Variants in HP observed in about 807,000 individuals in gnomAD.
HP encodes haptoglobin.
A neutral mutation model predicts 23.2 loss-of-function variants in HP; 9 were observed. The ratio of observed to expected loss-of-function variants is 0.39; its 90% CI spans 0.23 to 0.68. HP has a LOEUF of 0.68. Ranked by LOEUF, HP falls within the 30% of genes least tolerant of loss-of-function variation. HP has a pLI of 0.47. For synonymous variants in HP, 155 were observed against 183.3 expected (o/e 0.85, Z 1.25); for missense variants, 433 against 483.6 (o/e 0.90, Z 0.98).
chr16:72,057,970 T>C (rs546714118), intron 4 of HP: 1 of 418,674 alleles, frequency 2.4e-6, no homozygotes, highest in South Asian at 2.2e-5. Context: ...CTGCCTCGTA[T>C]TAACTGCACC....
rs1021150214 is a variant in HP at position 72,056,570 on chromosome 16, T to C, written c.129T>C (p.Tyr43=). ...AGCCCCCCGAGATTGCACATGGCTATGTGGAGCACTCGGTTCGCTACCAGT... is the reference window on the plus strand; with the variant it reads ...AGCCCCCCGAGATTGCACATGGCTACGTGGAGCACTCGGTTCGCTACCAGT... ...CPKPPEIAHG[Y]VEHSVRYQCK... The change falls in exon 3 of 7, where the codon TAT becomes TAC. Residue 43 remains tyrosine (Y), a synonymous_variant. Coordinates refer to ENST00000355906, the MANE Select transcript of HP (RefSeq NM_005143.5). 8.9e-6 allele frequency: 13 copies of C among 1,460,016 alleles called. No homozygotes were observed. Among genetic ancestry groups the C allele is most frequent in the African/African-American group, 1.5e-5 (1 of 64,760 alleles). The allele number at this position is 1,460,016 out of a possible 1,614,324, so 90.4% of individuals were successfully genotyped here.
At chr16:72,057,909 C>G in intron 4 of HP, 1 of 330,384 alleles carries the variant, frequency 3.0e-6, no homozygotes, top group Non-Finnish European at 5.5e-6. Context: ...TTCTCAGAAC[C>G]AGAGGCAAAG....
At chr16:72,055,972 A>C (rs1162898255) in intron 1 of HP, 189 bp from the exon 2 acceptor site, 16 of 1,002,440 alleles carry the variant, frequency 1.6e-5, no homozygotes, top group Non-Finnish European at 2.4e-5. Context: ...GTGTATGGGC[A>C]GGTGTGGGGG....
rs1317250888 is a variant in HP at position 72,059,162 on chromosome 16, G to A, written c.416G>A (p.Gly139Glu). Residue 139 changes from glycine to glutamate, a missense_variant, in exon 6 of 7, where the codon GGA becomes GAA. Physicochemically the swap from Gly to Glu is moderately conservative, Grantham distance 98 (BLOSUM62 -2). Around this residue, in one of 3 missense-constraint regions of HP, gnomAD observed 326 missense variants for 358.1 expected, o/e 0.91. Transcript: ENST00000355906. The stretch of plus-strand genomic sequence containing the variant: ...AAGCAGTGGATAAATAAGGCTGTTG[G>A]AGATAAACTTCCTGAATGTGAAGCA... ...NEKQWINKAV[G>E]DKLPECEAVC... 2 of 1,565,498 alleles carry A rather than the reference G, an allele frequency of 1.3e-6. No individual in the cohort carries two copies. Among genetic ancestry groups the A allele is most frequent in the Admixed American group, 3.4e-5 (2 of 58,974 alleles).
At chr16:72,059,069 T>G in intron 5 of HP, 45 bp from the exon 6 acceptor site, 1 of 1,528,662 alleles carries the variant, frequency 6.5e-7, no homozygotes, top group African/African-American at 1.6e-5. Context: ...GCACGGGGTC[T>G]AGACTTGACT....
At chr16:72,059,309 C>T (rs188133907) in intron 6 of HP, 121 bp downstream of exon 6, 35 of 1,361,632 alleles carry the variant, frequency 2.6e-5, no homozygotes, top group African/African-American at 1.6e-4. Flanking sequence ...GTGGGAGAAC[C>T]GCAGCTGGCC....
At chr16:72,059,434 A>G in intron 6 of HP, 1 of 620,608 alleles carries the variant, frequency 1.6e-6, no homozygotes, top group Non-Finnish European at 2.8e-6. Context: ...ACAGATTAGG[A>G]GAGCCTGTGC....
In HP at chr16:72,058,198, G is replaced by A. The variant is rs1169275188; in HGVS notation, c.266-56G>A. ...AGCTCCCGCTCATCTGACTTTTCAC[G>A]GTTCACTGGGAACAATTTCCAAATA... is the stretch of plus-strand genomic sequence containing the variant. On this transcript the variant is annotated intron_variant, in intron 4 of 6. Transcript: ENST00000355906. 17 of 710,260 alleles carry A rather than the reference G, an allele frequency of 2.4e-5. 2 individuals carry two copies. Among genetic ancestry groups the A allele is most frequent in the South Asian group, 1.8e-4 (10 of 55,624 alleles). 44.0% of individuals were successfully genotyped at this position (710,260 alleles called of 1,614,324 possible).
Position 72,060,380 on chromosome 16 carries a change from T to G in HP, c.711T>G (p.Val237=), listed in dbSNP as rs2041523862. The change falls in exon 7 of 7, where the codon GTT becomes GTG. Residue 237 remains valine, a synonymous_variant. Transcript: ENST00000355906. Reference sequence around the variant, plus strand: ...AGCTTGTAGAGATTGAGAAGGTTGTTCTACACCCTAACTACTCCCAGGTAG... The same window carrying G: ...AGCTTGTAGAGATTGAGAAGGTTGTGCTACACCCTAACTACTCCCAGGTAG... ...KKQLVEIEKV[V]LHPNYSQVDI... is the part of the protein sequence containing the mutation. 1 of 1,614,064 alleles carries G rather than the reference T, an allele frequency of 6.2e-7. No homozygotes were observed. Among genetic ancestry groups the G allele is most frequent in the Non-Finnish European group, 8.5e-7 (1 of 1,180,054 alleles).
intron 5 of HP, 135 bp from the exon 6 acceptor site, chr16:72,058,979 A>T (rs2041496768): frequency 2.0e-6 from 2 of 997,090 alleles, no homozygotes; most frequent in Admixed American, 2.1e-5. Context: ...TCCTTCTCAT[A>T]TACTCTCTCC....
At chr16:72,056,851 G>C in intron 3 of HP, 2 of 385,068 alleles carry the variant, frequency 5.2e-6, no homozygotes, top group Non-Finnish European at 8.8e-6. Flanking sequence ...GGGAGGCGAT[G>C]CCATGCAGCC....
Position 72,057,796 on chromosome 16 carries a change from G to A in HP, c.265+330G>A, listed in dbSNP as rs1168755812. 33 of 372,328 alleles carry A rather than the reference G, an allele frequency of 8.9e-5. 6 individuals are homozygous for A. The highest frequency in any genetic ancestry group is 1.3e-3 in the Middle Eastern group (2 of 1,482). The allele number at this position is 372,328 out of a possible 1,614,324, so 23.1% of individuals were successfully genotyped here. A position where few individuals can be genotyped will look rare whatever the true frequency, so the allele number is the denominator to read the frequency against. ...CAAGCTCCAGGGAGAACAAGTCAAGGAATGACATAAAATCTTAATCCATGG... is the reference window on the plus strand; with the variant it reads ...CAAGCTCCAGGGAGAACAAGTCAAGAAATGACATAAAATCTTAATCCATGG... On this transcript the variant is annotated intron_variant, in intron 4 of 6. Transcript: ENST00000355906.
chr16:72,060,830 T>C lies in HP; in HGVS notation c.1161T>C (p.Gly387=), dbSNP rs908570029. 5.0e-6 allele frequency: 8 copies of C among 1,612,924 alleles called. No individual in the cohort carries two copies. Among genetic ancestry groups the C allele is most frequent in the Admixed American group, 1.7e-5 (1 of 59,968 alleles). ...FDKSCAVAEY[G]VYVKVTSIQD... ...AGAGCTGTGCTGTGGCTGAGTATGGTGTGTATGTGAAGGTGACTTCCATCC... is the reference window on the plus strand; with the variant it reads ...AGAGCTGTGCTGTGGCTGAGTATGGCGTGTATGTGAAGGTGACTTCCATCC... The change falls in exon 7 of 7, where the codon GGT becomes GGC. Residue 387 remains glycine, a synonymous_variant. Transcript: ENST00000355906.
chr16:72,060,959 AG>A lies in HP; in HGVS notation c.*70del. 1.3e-6 allele frequency: 2 copies of A among 1,504,762 alleles called. No individual in the cohort carries two copies. The highest frequency in any genetic ancestry group is 1.8e-6 in the Non-Finnish European group (2 of 1,122,574). The allele number at this position is 1,504,762 out of a possible 1,614,324, so 93.2% of individuals were successfully genotyped here. On this transcript the variant is annotated 3_prime_UTR_variant, in exon 7 of 7. Coordinates refer to ENST00000355906, the MANE Select transcript of HP (RefSeq NM_005143.5). Reference sequence around the variant, plus strand: ...CCTGGAAGAGGGCAAAGTGGACGGGAGTGGACAGGAGTGGATGCGATAAGAT... The same window carrying A: ...CCTGGAAGAGGGCAAAGTGGACGGGATGGACAGGAGTGGATGCGATAAGAT...
chr16:72,059,943 T>G, intron 6 of HP, 169 bp from the exon 7 acceptor site: 4 of 1,392,724 alleles, frequency 2.9e-6, no homozygotes, highest in Non-Finnish European at 3.8e-6. Context: ...AAAAACAGAA[T>G]TATTTTAAAA....
Position 72,060,897 on chromosome 16 carries a change from G to C in HP, c.*7G>C, listed in dbSNP as rs757202566. 8 of 1,560,546 alleles carry C rather than the reference G, an allele frequency of 5.1e-6. No homozygotes were observed. Among genetic ancestry groups the C allele is most frequent in the East Asian group, 2.3e-5 (1 of 44,406 alleles). On this transcript the variant is annotated 3_prime_UTR_variant, in exon 7 of 7. Transcript: ENST00000355906. ...GACCATAGCTGAGAACTAATGCAAG[G>C]CTGGCCGGAAGCCCTTGCCTGAAAG...
Position 72,059,186 on chromosome 16 carries a change from C to T in HP, c.440C>T (p.Ala147Val). The T allele has an allele frequency of 6.4e-7, 1 of 1,563,498 alleles. No individual in the cohort carries two copies. The highest frequency in any genetic ancestry group is 8.7e-7 in the Non-Finnish European group (1 of 1,148,080). Residue 147 changes from alanine (A) to valine (V), a missense_variant and splice_region_variant, in exon 6 of 7, where the codon GCA becomes GTA. Physicochemically the swap from Ala to Val is moderately conservative, Grantham distance 64 (BLOSUM62 0). This residue lies in a region of HP where 326 missense variants were observed against 358.1 expected (regional missense o/e 0.91). Coordinates refer to ENST00000355906, the MANE Select transcript of HP (RefSeq NM_005143.5). ...AVGDKLPECE[A>V]VCGKPKNPAN... is the part of the protein sequence containing the mutation. ...GGAGATAAACTTCCTGAATGTGAAGCAGGTGGGTGCTGAGCACTTAAGAGA... is the reference window on the plus strand; with the variant it reads ...GGAGATAAACTTCCTGAATGTGAAGTAGGTGGGTGCTGAGCACTTAAGAGA...
At chr16:72,055,992 G>T (rs72550713) in intron 1 of HP, 169 bp from the exon 2 acceptor site, 5 of 1,211,794 alleles carry the variant, frequency 4.1e-6, no homozygotes, top group Non-Finnish European at 4.7e-6. Flanking sequence ...GCAATTTCTT[G>T]GTCCTAGCAC....
At position 72,059,989 on chromosome 16, in the gene HP, G is replaced by A. The variant is rs2041515307; in HGVS notation, c.443-123G>A. The A allele has an allele frequency of 8.5e-6, 13 of 1,526,916 alleles. No individual in the cohort carries two copies. In the South Asian group the frequency reaches 1.6e-4, roughly 18 times the overall value. 94.6% of individuals were successfully genotyped at this position (1,526,916 alleles called of 1,614,324 possible). On this transcript the variant is annotated intron_variant, in intron 6 of 6. Coordinates refer to ENST00000355906, the MANE Select transcript of HP (RefSeq NM_005143.5). ...TGGAAATGAGATCAGCAGGTGGTAA[G>A]GGCAAAGCATTTAAATCTTTCTACT...
Sources: allele counts gnomAD v4.1 joint callset, GRCh38; gene constraint gnomAD v4.1.1; regional missense constraint gnomAD v4.1.1; transcripts MANE v1.5; gene names NCBI Gene and HGNC (gene_info 2026-07-23, HGNC 2026-07-21).